The following KDM2B variants were observed in gnomAD, a reference collection of about 807,000 sequenced individuals.
KDM2B encodes the protein lysine demethylase 2B, also known as lysine-specific demethylase 2B.
A neutral mutation model predicts 150.0 loss-of-function variants in KDM2B; 26 were observed. The observed-to-expected ratio is 0.17, with a 90% CI of 0.13 to 0.24. The LOEUF (loss-of-function observed/expected upper bound fraction) is 0.24. Ranked by LOEUF, KDM2B falls within the 10% of genes least tolerant of loss-of-function variation. The pLI is 1.00. For missense variants in KDM2B, 1,265 were observed against 1,816.9 expected, an observed-to-expected ratio of 0.70 and a Z score of 5.52; for synonymous variants, 734 against 729.5, an observed-to-expected ratio of 1.01 and a Z score of -0.10.
chr12:121,415,168 A>G, the KDM2B span: 6 of 197,906 alleles, frequency 3.0e-5, no homozygotes, highest in African/African-American at 1.1e-4. Flanking sequence ...ATTAAAATCT[A>G]TTCTGGTTTG....
rs1182119430 is a variant in KDM2B at position 121,518,563 on chromosome 12, G to C, written c.1047+2422C>G. ...TCTCAACGAGGACGTGATATTCCAC[G>C]TAAGCTCAGTGTGATGCTCAGGGGT... is the stretch of plus-strand genomic sequence containing the variant. On this transcript the variant is annotated intron_variant, in intron 9 of 22. Coordinates refer to ENST00000377071, the MANE Select transcript of KDM2B (RefSeq NM_032590.5). The surrounding 1 kb of genome is among the most constrained non-coding windows in gnomAD (Gnocchi z 4.4). 2.0e-5 allele frequency among the ~76,000 whole-genome samples: 3 copies of C among 152,174 alleles called. No individual in the cohort carries two copies. Among genetic ancestry groups the C allele is most frequent in the African/African-American group, 7.2e-5 (3 of 41,442 alleles).
the KDM2B span, among the ~76,000 whole-genome samples, chr12:121,409,973 T>G: frequency 6.6e-6 from 1 of 151,302 alleles, no homozygotes; most frequent in Non-Finnish European, 1.5e-5. Flanking sequence ...CTGACCAACA[T>G]GGAGAAACCC....
rs147837030 is a variant in KDM2B, at chr12:121,519,686, A to C, written c.1047+1299T>G. 9.5e-3 allele frequency among the ~76,000 whole-genome samples: 1,450 copies of C among 152,276 alleles called. 26 individuals are homozygous for C. Among genetic ancestry groups the C allele is most frequent in the African/African-American group, 0.033 (1,353 of 41,550 alleles). On this transcript the variant is annotated intron_variant, in intron 9 of 22. Transcript: ENST00000377071. ...AAGGTTTCTTTTTGGGGTGATGAAA[A>C]TGTTCTGGAATTAGTGGTGATCATG...
chr12:121,504,960 CA>C (rs1278895379), intron 11 of KDM2B, among the ~76,000 whole-genome samples: 3 of 151,744 alleles, frequency 2.0e-5, no homozygotes, highest in Non-Finnish European at 4.4e-5. Context: ...ACTAAAAATA[CA>C]AAAAAATTAG....
chr12:121,512,804 G>T (rs1366073734), intron 10 of KDM2B, among the ~76,000 whole-genome samples: 1 of 152,116 alleles, frequency 6.6e-6, no homozygotes, highest in Non-Finnish European at 1.5e-5. Context: ...CTCCAGGCCC[G>T]CACCACCTGC....
chr12:121,510,508 C>T (rs1489401543), intron 10 of KDM2B, among the ~76,000 whole-genome samples: 2 of 152,026 alleles, frequency 1.3e-5, no homozygotes, highest in African/African-American at 2.4e-5. Flanking sequence ...AAAAATAAGT[C>T]GAGGCTGGGT....
At chr12:121,413,153 G>A in the KDM2B span, among the ~76,000 whole-genome samples, 1 of 151,906 alleles carries the variant, frequency 6.6e-6, no homozygotes, top group Non-Finnish European at 1.5e-5. Flanking sequence ...GGCCTTCCAA[G>A]TAGCTGGGAT....
intron 6 of KDM2B, among the ~76,000 whole-genome samples, chr12:121,545,690 A>C (rs1888980115): frequency 2.0e-5 from 3 of 151,832 alleles, no homozygotes; most frequent in Non-Finnish European, 2.9e-5. Flanking sequence ...ACGTGCCCCC[A>C]CGCCATCCAA....
chr12:121,469,617 CAAA>C (rs76047421), intron 12 of KDM2B: 19 of 129,348 alleles, frequency 1.5e-4, no homozygotes, highest in Admixed American at 1.6e-4. Context: ...GACTCCATCT[CAAA>C]AAAAAAAAAA....
intron 4 of KDM2B, among the ~76,000 whole-genome samples, chr12:121,555,534 G>A (rs551020692): frequency 3.3e-5 from 5 of 152,160 alleles, no homozygotes; most frequent in East Asian, 3.9e-4. Flanking sequence ...CACCATACCC[G>A]GCTAATATTT....
chr12:121,549,095 C>T lies in KDM2B; in HGVS notation c.577-112G>A, dbSNP rs965173897. ...CCCCGCTCCCCCAATCTACTGTGGG[C>T]TCAATAGTCCCAACATGGGAGGAAG... is the stretch of plus-strand genomic sequence containing the variant. On this transcript the variant is annotated intron_variant, in intron 5 of 22. Coordinates refer to ENST00000377071, the MANE Select transcript of KDM2B (RefSeq NM_032590.5). The surrounding 1 kb of genome is among the most constrained non-coding windows in gnomAD (Gnocchi z 4.4). 1.2e-5 allele frequency: 9 copies of T among 772,120 alleles called. No individual in the cohort carries two copies. The East Asian group carries it at 2.4e-4, about 20-fold the overall frequency. The allele number at this position is 772,120 out of a possible 1,614,324, so 47.8% of individuals were successfully genotyped here.
Position 121,537,848 on chromosome 12 carries a change from C to T in KDM2B, c.684-3258G>A, listed in dbSNP as rs1888272955. Among the ~76,000 whole-genome samples the T allele has an allele frequency of 6.6e-6, 1 of 151,726 alleles. No homozygotes were observed. The highest frequency in any genetic ancestry group is 2.4e-5 in the African/African-American group (1 of 41,362). Reference sequence around the variant, plus strand: ...CCTGTAGCCCGCGGGCGGGAGGCCACCCACACCCGCCCCGCGCAGCGCCAC... The same window carrying T: ...CCTGTAGCCCGCGGGCGGGAGGCCATCCACACCCGCCCCGCGCAGCGCCAC... On this transcript the variant is annotated intron_variant, in intron 6 of 22. Coordinates refer to ENST00000377071, the MANE Select transcript of KDM2B (RefSeq NM_032590.5). This position sits in a 1 kb window ranked among gnomAD's most constrained non-coding sequence, Gnocchi z 8.7.
rs782780378 is a variant in KDM2B at position 121,445,432 on chromosome 12, G to A, written c.1960-14C>T. On this transcript the variant is annotated splice_polypyrimidine_tract_variant and intron_variant, in intron 13 of 22. Transcript: ENST00000377071. Reference sequence around the variant, plus strand: ...GGGCAGCACTGGCTGAGGAGCCAGGGAGAACAAGACAAGTCATCAGGGGTG... The same window carrying A: ...GGGCAGCACTGGCTGAGGAGCCAGGAAGAACAAGACAAGTCATCAGGGGTG... 17 of 1,580,484 alleles carry A rather than the reference G, an allele frequency of 1.1e-5. No homozygotes were observed. The African/African-American group carries it at 2.2e-4, about 20-fold the overall frequency.
chr12:121,535,732 T>A (rs1888036295), intron 6 of KDM2B, among the ~76,000 whole-genome samples: 1 of 152,158 alleles, frequency 6.6e-6, no homozygotes, highest in Non-Finnish European at 1.5e-5. Context: ...CATCCCCTTC[T>A]CAGTGCTATG....
In KDM2B at chr12:121,430,122, AT is replaced by A. The variant is rs782287469; in HGVS notation, c.*165del. On this transcript the variant is annotated 3_prime_UTR_variant, in exon 23 of 23. Transcript: ENST00000377071. This position sits in a 1 kb window ranked among gnomAD's most constrained non-coding sequence, Gnocchi z 4.4. The stretch of plus-strand genomic sequence containing the variant: ...ACCAAAGGAAAGTGTCGGCTCACTC[AT>A]CCCCCAAACGGGTGGTTGAACAGCT... The A allele has an allele frequency of 6.2e-6, 10 of 1,613,696 alleles. No individual in the cohort carries two copies. The South Asian group carries it at 1.1e-4, about 18-fold the overall frequency.
chr12:121,514,692 C>G (rs1169388837), intron 9 of KDM2B, among the ~76,000 whole-genome samples: 3 of 151,236 alleles, frequency 2.0e-5, no homozygotes, highest in African/African-American at 7.3e-5. Flanking sequence ...TACATTCTCC[C>G]ACCTTCTAAT....
intron 12 of KDM2B, among the ~76,000 whole-genome samples, chr12:121,458,626 A>T (rs562426877): frequency 7.9e-5 from 12 of 151,972 alleles, no homozygotes; most frequent in African/African-American, 2.9e-4. Flanking sequence ...ACATGGTGAA[A>T]CCCCATCCCT....
intron 11 of KDM2B, among the ~76,000 whole-genome samples, chr12:121,507,103 A>T (rs1241892802): frequency 1.3e-5 from 2 of 151,114 alleles, no homozygotes; most frequent in African/African-American, 2.4e-5. Flanking sequence ...TCTCAAGAAA[A>T]AAAAAAAAAA....
chr12:121,534,386 G>A (rs918108826), intron 7 of KDM2B, 111 bp downstream of exon 7: 1 of 759,306 alleles, frequency 1.3e-6, no homozygotes. Context: ...AAGTACTCCT[G>A]GGGCAGGGCT....
Sources: gnomAD v4.1 joint callset for allele counts (sites outside exome capture counted in the v4.1 genomes callset) on GRCh38, gnomAD v4.1.1 for gene constraint, Gnocchi (gnomAD v3.1) non-coding constraint, MANE v1.5 for transcripts, NCBI Gene and HGNC (gene_info 2026-07-23, HGNC 2026-07-21) for gene names.